The following PCDH9 variants were observed in gnomAD, a reference collection of about 807,000 sequenced individuals.
The protein encoded by PCDH9 is protocadherin-9.
In PCDH9, 24 loss-of-function variants were observed where a neutral mutation model predicts 70.6. That is an observed-to-expected ratio of 0.34 (90% CI 0.25 to 0.48). The LOEUF (loss-of-function observed/expected upper bound fraction) is 0.48, where lower values mean the gene tolerates loss of function less well. Among genes scored for constraint, PCDH9 ranks in the 20% least tolerant of loss-of-function variants. PCDH9 has a pLI of 0.99. For missense variants in PCDH9, 1,281 were observed against 1,503.6 expected, an observed-to-expected ratio of 0.85 and a Z score of 2.45; for synonymous variants, 562 against 558.5, an observed-to-expected ratio of 1.01 and a Z score of -0.09.
At chr13:66,665,291 G>T (rs1474104409) in intron 3 of PCDH9, among the ~76,000 whole-genome samples, 1 of 151,922 alleles carries the variant, frequency 6.6e-6, no homozygotes, top group Non-Finnish European at 1.5e-5. Context: ...TAGAGACAGG[G>T]TCTCACCATG....
intron 2 of PCDH9, among the ~76,000 whole-genome samples, chr13:66,911,014 A>G (rs1273482512): frequency 6.6e-6 from 1 of 152,216 alleles, no homozygotes; most frequent in African/African-American, 2.4e-5. Flanking sequence ...AAAATAAATA[A>G]TCATTTAGCT....
intron 2 of PCDH9, among the ~76,000 whole-genome samples, chr13:67,044,752 A>T (rs981478378): frequency 5.9e-5 from 9 of 152,182 alleles, no homozygotes; most frequent in Non-Finnish European, 8.8e-5. Context: ...AAATTCATGA[A>T]GGTGGTGAGG....
chr13:66,932,681 T>TATATAC lies in PCDH9; in HGVS notation c.3037-29077_3037-29076insGTATAT, dbSNP rs1313632174. Among the ~76,000 whole-genome samples the TATATAC allele has an allele frequency of 3.5e-3, 406 of 114,840 alleles. 3 individuals are homozygous for TATATAC. Among genetic ancestry groups the TATATAC allele is most frequent in the African/African-American group, 0.012 (364 of 29,256 alleles). 75.3% of individuals were successfully genotyped at this position (114,840 alleles called of 152,430 possible). A position where few individuals can be genotyped will look rare whatever the true frequency, so the allele number is the denominator to read the frequency against. On this transcript the variant is annotated intron_variant, in intron 2 of 4. Coordinates refer to ENST00000377865, the MANE Select transcript of PCDH9 (RefSeq NM_203487.3). ...TCACATATATATATATATATATATA[T>TATATAC]ACACACACACACACGTATGTATATA...
chr13:67,064,255 T>C (rs1245855005), intron 2 of PCDH9, among the ~76,000 whole-genome samples: 2 of 152,100 alleles, frequency 1.3e-5, no homozygotes, highest in Non-Finnish European at 2.9e-5. Flanking sequence ...ACTCATTCTA[T>C]GGCAAGTGGT....
chr13:66,551,344 G>A (rs1337123109), intron 4 of PCDH9, among the ~76,000 whole-genome samples: 1 of 152,104 alleles, frequency 6.6e-6, no homozygotes, highest in Non-Finnish European at 1.5e-5. Flanking sequence ...TCATAGCACT[G>A]CTCACCAGGT....
chr13:66,800,050 T>C (rs920107644), intron 3 of PCDH9, among the ~76,000 whole-genome samples: 4 of 152,130 alleles, frequency 2.6e-5, no homozygotes, highest in African/African-American at 9.7e-5. Context: ...TTATAACCCA[T>C]AGCCCCCTGC....
intron 4 of PCDH9, among the ~76,000 whole-genome samples, chr13:66,573,698 C>A (rs2076768686): frequency 1.3e-5 from 2 of 152,012 alleles, no homozygotes; most frequent in Admixed American, 1.3e-4. Context: ...AATCAAGTTG[C>A]AGTCAGTTAA....
At chr13:66,873,736 G>A (rs2081741050) in intron 3 of PCDH9, among the ~76,000 whole-genome samples, 1 of 151,914 alleles carries the variant, frequency 6.6e-6, no homozygotes, top group African/African-American at 2.4e-5. Flanking sequence ...ATTCCTGGTT[G>A]CCACAGGAAA....
intron 4 of PCDH9, among the ~76,000 whole-genome samples, chr13:66,430,154 G>A (rs932609724): frequency 6.6e-6 from 1 of 151,934 alleles, no homozygotes; most frequent in African/African-American, 2.4e-5. Flanking sequence ...GAGCAATAAA[G>A]CTAACTCTTT....
At chr13:66,915,420 A>G (rs1464510634) in intron 2 of PCDH9, among the ~76,000 whole-genome samples, 2 of 151,680 alleles carry the variant, frequency 1.3e-5, no homozygotes, top group Non-Finnish European at 3.0e-5. Context: ...GAAGTAAAAT[A>G]AAAGATGTTG....
chr13:66,439,395 T>G (rs1243045329), intron 4 of PCDH9, among the ~76,000 whole-genome samples: 1 of 152,224 alleles, frequency 6.6e-6, no homozygotes, highest in Non-Finnish European at 1.5e-5. Context: ...TTAAGAATAC[T>G]GTATTGTATA....
rs143250847 is a variant in PCDH9 at position 66,368,913 on chromosome 13, C to T, written c.3341-63885G>A. ...TGAGACGTATTCACTATCATGAGAA[C>T]GGCATGGGAAAGAACTGCCCCCAGG... On this transcript the variant is annotated intron_variant, in intron 4 of 4. Coordinates refer to ENST00000377865, the MANE Select transcript of PCDH9 (RefSeq NM_203487.3). Among the ~76,000 whole-genome samples, 922 of 152,134 alleles carry T rather than the reference C, an allele frequency of 6.1e-3. 10 individuals carry two copies. The highest frequency in any genetic ancestry group is 0.02 in the African/African-American group (824 of 41,520).
intron 4 of PCDH9, among the ~76,000 whole-genome samples, chr13:66,438,251 C>CTTAGGATATG (rs1228333741): frequency 2.6e-5 from 4 of 151,064 alleles, no homozygotes; most frequent in Non-Finnish European, 5.9e-5. Context: ...AAAAAAAGTA[C>CTTAGGATATG]TTAGGATATG....
At chr13:66,837,365 T>A (rs924864494) in intron 3 of PCDH9, among the ~76,000 whole-genome samples, 1 of 152,134 alleles carries the variant, frequency 6.6e-6, no homozygotes, top group Non-Finnish European at 1.5e-5. Context: ...GGCTTCGTTT[T>A]ACAGTGGGGA....
At chr13:66,932,838 G>A (rs964575100) in intron 2 of PCDH9, among the ~76,000 whole-genome samples, 3 of 150,564 alleles carry the variant, frequency 2.0e-5, no homozygotes, top group Non-Finnish European at 3.0e-5. Flanking sequence ...AAATATGTTC[G>A]CTAAAACACT....
chr13:66,391,912 GCATA>G (rs1957026090), intron 4 of PCDH9, among the ~76,000 whole-genome samples: 1 of 136,448 alleles, frequency 7.3e-6, no homozygotes, highest in Admixed American at 7.4e-5. Context: ...ATATGTTTGT[GCATA>G]CATACACACA....
intron 4 of PCDH9, among the ~76,000 whole-genome samples, chr13:66,371,966 G>GT (rs1026599127): frequency 4.6e-5 from 7 of 151,904 alleles, no homozygotes; most frequent in African/African-American, 1.7e-4. Flanking sequence ...CTTTCTCCTT[G>GT]TTTTTTCTCT....
chr13:66,445,802 C>T (rs1566331456), intron 4 of PCDH9, among the ~76,000 whole-genome samples: 2 of 123,244 alleles, frequency 1.6e-5, no homozygotes, highest in Non-Finnish European at 3.4e-5. Context: ...AATACATACA[C>T]ATATATTATA....
intron 4 of PCDH9, among the ~76,000 whole-genome samples, chr13:66,567,699 T>C (rs959251649): frequency 2.6e-5 from 4 of 152,196 alleles, no homozygotes; most frequent in African/African-American, 9.6e-5. Flanking sequence ...GAAAGTTTTC[T>C]TTCAAATTGT....
Sources: gnomAD v4.1 joint callset for allele counts (sites outside exome capture counted in the v4.1 genomes callset) on GRCh38, gnomAD v4.1.1 for gene constraint, MANE v1.5 for transcripts, NCBI Gene and HGNC (gene_info 2026-07-23, HGNC 2026-07-21) for gene names.